PPP1R1C: variants seen among roughly 807,000 people sequenced by gnomAD.
PPP1R1C encodes the protein protein phosphatase 1 regulatory inhibitor subunit 1C.
Under a neutral mutation model 17.4 loss-of-function variants are expected in PPP1R1C, and 15 were observed. The ratio of observed to expected loss-of-function variants is 0.86; its 90% confidence interval spans 0.58 to 1.33. PPP1R1C has a LOEUF of 1.33. Among genes scored for constraint, PPP1R1C ranks in the 40% most tolerant of loss-of-function variants. The pLI is 0.00. For synonymous variants in PPP1R1C, 35 were observed against 43.1 expected (o/e 0.81, Z 0.73); for missense variants, 143 against 130.0 (o/e 1.10, Z -0.48).
intron 2 of PPP1R1C, among the ~76,000 whole-genome samples, chr2:182,027,330 T>A (rs1194139774): frequency 6.9e-6 from 1 of 144,514 alleles, no homozygotes; most frequent in Non-Finnish European, 1.5e-5. Flanking sequence ...CCATTTAGTA[T>A]GATATTGGCT....
intron 4 of PPP1R1C, among the ~76,000 whole-genome samples, chr2:182,093,566 G>A (rs1574446420): frequency 6.6e-6 from 1 of 152,076 alleles, no homozygotes; most frequent in African/African-American, 2.4e-5. Context: ...AAACATTTAT[G>A]CTCTGCTTCC....
rs143151346 is a variant in PPP1R1C at position 182,063,043 on chromosome 2, G to T, written c.181-688G>T. Among the ~76,000 whole-genome samples the T allele has an allele frequency of 3.6e-4, 54 of 152,096 alleles. No homozygotes were observed. The East Asian group carries it at 0.01, about 29-fold the overall frequency. On this transcript the variant is annotated intron_variant, in intron 3 of 4. Coordinates refer to ENST00000682840, the MANE Select transcript of PPP1R1C (RefSeq NM_001080545.3). ...ATGTATATCCATTATATAGGGCTCT[G>T]TATCCTTATCTGTATTTTGACCCTG...
At chr2:182,090,171 T>C (rs772542328) in intron 4 of PPP1R1C, among the ~76,000 whole-genome samples, 16 of 152,128 alleles carry the variant, frequency 1.1e-4, no homozygotes, top group Admixed American at 2.0e-4. Flanking sequence ...AAAAATACTC[T>C]GTGTACAGAT....
intron 4 of PPP1R1C, among the ~76,000 whole-genome samples, chr2:182,081,790 A>C (rs1469368608): frequency 6.6e-6 from 1 of 152,210 alleles, no homozygotes; most frequent in East Asian, 1.9e-4. Flanking sequence ...CTCATCACGT[A>C]CACCTCATAT....
intron 1 of PPP1R1C, among the ~76,000 whole-genome samples, chr2:181,969,098 T>A (rs985539543): frequency 1.3e-5 from 2 of 152,314 alleles, no homozygotes; most frequent in Admixed American, 6.5e-5. Context: ...TTTTGATAGG[T>A]TTATTGTTTA....
intron 4 of PPP1R1C, among the ~76,000 whole-genome samples, chr2:182,100,971 T>G (rs767060616): frequency 4.6e-5 from 7 of 152,120 alleles, no homozygotes; most frequent in African/African-American, 9.7e-5. Context: ...GAAGAGCGGT[T>G]CCTGAAAGAA....
At chr2:182,073,843 G>A (rs909181881) in intron 4 of PPP1R1C, among the ~76,000 whole-genome samples, 4 of 152,120 alleles carry the variant, frequency 2.6e-5, no homozygotes, top group African/African-American at 9.7e-5. Flanking sequence ...AAACTGTGGA[G>A]GAGAAAACAC....
At chr2:182,110,456 G>A (rs1279527911) in intron 4 of PPP1R1C, among the ~76,000 whole-genome samples, 2 of 152,092 alleles carry the variant, frequency 1.3e-5, no homozygotes, top group African/African-American at 4.8e-5. Flanking sequence ...GCTATCAGAG[G>A]TTTTCCTTGG....
intron 1 of PPP1R1C, among the ~76,000 whole-genome samples, chr2:181,969,284 C>A (rs1361996164): frequency 6.6e-6 from 1 of 152,086 alleles, no homozygotes; most frequent in African/African-American, 2.4e-5. Context: ...TAGGACAGGG[C>A]TAATGTTGAT....
intron 4 of PPP1R1C, among the ~76,000 whole-genome samples, chr2:182,086,359 A>C (rs925412392): frequency 1.3e-5 from 2 of 152,136 alleles, no homozygotes; most frequent in African/African-American, 4.8e-5. Flanking sequence ...CAATCTACCA[A>C]TTTTGAATTT....
intron 5 of PPP1R1C, among the ~76,000 whole-genome samples, chr2:182,123,488 A>G (rs979090708): frequency 1.3e-5 from 2 of 152,096 alleles, no homozygotes; most frequent in African/African-American, 2.4e-5. Context: ...AAGTGTTCCT[A>G]TTTCTTCACA....
At chr2:182,076,181 C>CTTTTTTTTTTTTTTTTTTTT (rs1319925818) in intron 4 of PPP1R1C, among the ~76,000 whole-genome samples, 3 of 47,486 alleles carry the variant, frequency 6.3e-5, no homozygotes, top group African/African-American at 2.6e-4. Flanking sequence ...GGATTTTGAA[C>CTTTTTTTTTTTTTTTTTTTT]TTTTTTTTTT....
intron 5 of PPP1R1C, among the ~76,000 whole-genome samples, chr2:182,124,807 G>C (rs1408941322): frequency 1.3e-5 from 2 of 152,054 alleles, no homozygotes; most frequent in Non-Finnish European, 2.9e-5. Context: ...TGAGATGATG[G>C]GATTTTCTAA....
chr2:182,017,977 C>T (rs1421238851), intron 2 of PPP1R1C, among the ~76,000 whole-genome samples: 4 of 152,072 alleles, frequency 2.6e-5, no homozygotes, highest in Non-Finnish European at 4.4e-5. Flanking sequence ...GATAAAAGAA[C>T]ATGGTTATAA....
intron 5 of PPP1R1C, among the ~76,000 whole-genome samples, chr2:182,128,723 G>A (rs1689936316): frequency 6.6e-6 from 1 of 152,032 alleles, no homozygotes. Flanking sequence ...CTTCCCTTTA[G>A]AAAATGACCT....
intron 2 of PPP1R1C, among the ~76,000 whole-genome samples, chr2:181,988,655 C>G (rs1351231142): frequency 2.0e-5 from 3 of 152,084 alleles, no homozygotes; most frequent in East Asian, 1.9e-4. Flanking sequence ...GATTTTTTTG[C>G]AGGTATAAAC....
At chr2:181,964,598 T>C (rs895024625) in intron 1 of PPP1R1C, among the ~76,000 whole-genome samples, 1 of 152,204 alleles carries the variant, frequency 6.6e-6, no homozygotes, top group East Asian at 1.9e-4. Context: ...GGGTACAGAG[T>C]TTCCTGTTTT....
At position 181,962,271 on chromosome 2, in the gene PPP1R1C, C is replaced by T. The variant is rs1684812736; in HGVS notation, n.111+7637C>T. The T allele has an allele frequency of 5.5e-6, 4 of 733,556 alleles. No homozygotes were observed. Among genetic ancestry groups the T allele is most frequent in the Non-Finnish European group, 9.7e-6 (4 of 413,636 alleles). 45.4% of individuals were successfully genotyped at this position (733,556 alleles called of 1,614,324 possible). A position where few individuals can be genotyped will look rare whatever the true frequency, so the allele number is the denominator to read the frequency against. On this transcript the variant is annotated intron_variant and non_coding_transcript_variant, in intron 1 of 5. Transcript: ENST00000464264. The surrounding 1 kb of genome is among the most constrained non-coding windows in gnomAD (Gnocchi z 6.0). The stretch of plus-strand genomic sequence containing the variant: ...TGGATGCCTCCCATTCCTGCCAGAC[C>T]CCCGGCCATCCCCGCGGCCAGGTCC...
At chr2:181,978,684 A>ATGAAC (rs997346213) in intron 2 of PPP1R1C, among the ~76,000 whole-genome samples, 2 of 152,114 alleles carry the variant, frequency 1.3e-5, no homozygotes, top group African/African-American at 4.8e-5. Context: ...ATGGCCTTTT[A>ATGAAC]TGAACCAGCC....
Sources: allele counts gnomAD v4.1 joint callset (sites outside exome capture counted in the v4.1 genomes callset), GRCh38; gene constraint gnomAD v4.1.1; non-coding constraint Gnocchi (gnomAD v3.1); transcripts MANE v1.5; gene names NCBI Gene and HGNC (gene_info 2026-07-23, HGNC 2026-07-21).